Variants in LRBA observed in about 807,000 individuals in gnomAD.
LRBA encodes lipopolysaccharide-responsive and beige-like anchor protein.
A neutral mutation model predicts 330.0 loss-of-function variants in LRBA; 176 were observed. That is an observed-to-expected ratio of 0.53 (90% CI 0.47 to 0.60). The LOEUF is 0.60. Among genes scored for constraint, LRBA ranks in the 20% least tolerant of loss-of-function variants. The pLI, the probability that LRBA is intolerant of heterozygous loss-of-function variation, is 0.00. For synonymous variants in LRBA, 1,230 were observed against 1,193.0 expected (o/e 1.03, Z -0.64); for missense variants, 3,259 against 3,444.8 (o/e 0.95, Z 1.35).
At chr4:150,681,232 G>A (rs1193754577) in intron 37 of LRBA, among the ~76,000 whole-genome samples, 11 of 152,168 alleles carry the variant, frequency 7.2e-5, no homozygotes, top group Admixed American at 7.2e-4. Flanking sequence ...ATTATGCTAA[G>A]TGAAGAACAA....
intron 44 of LRBA, among the ~76,000 whole-genome samples, chr4:150,457,341 C>T (rs573988981): frequency 8.5e-5 from 13 of 152,048 alleles, no homozygotes; most frequent in Non-Finnish European, 1.9e-4. Context: ...AAAGTACGAA[C>T]AATTTAACTC....
chr4:150,917,152 CAA>C (rs1158155392), intron 5 of LRBA, among the ~76,000 whole-genome samples: 23 of 132,748 alleles, frequency 1.7e-4, no homozygotes, highest in South Asian at 2.7e-4. Flanking sequence ...GACTCCATCT[CAA>C]AAAAAAAAAT....
chr4:150,686,722 C>T (rs553548927), intron 36 of LRBA, among the ~76,000 whole-genome samples: 15 of 152,180 alleles, frequency 9.9e-5, no homozygotes, highest in South Asian at 2.1e-4. Context: ...AGAAAATCAC[C>T]GGTTTCTGAA....
chr4:150,555,027 A>C (rs1048415458), intron 40 of LRBA, among the ~76,000 whole-genome samples: 1 of 152,214 alleles, frequency 6.6e-6, no homozygotes, highest in Non-Finnish European at 1.5e-5. Flanking sequence ...GGGTTAGATA[A>C]CTACTATAAA....
intron 35 of LRBA, among the ~76,000 whole-genome samples, chr4:150,743,056 T>C (rs1026981279): frequency 5.3e-5 from 8 of 152,120 alleles, no homozygotes; most frequent in Non-Finnish European, 1.2e-4. Context: ...CAACCTCCGC[T>C]CCCTGGGTAC....
intron 37 of LRBA, among the ~76,000 whole-genome samples, chr4:150,642,284 C>T (rs916315624): frequency 2.6e-5 from 4 of 151,368 alleles, no homozygotes; most frequent in African/African-American, 7.3e-5. Flanking sequence ...TTCTTATGCA[C>T]AAAAAATAGA....
At position 150,323,025 on chromosome 4, in the gene LRBA, G is replaced by T. The variant is rs1380468; in HGVS notation, c.7453-1657C>A. ...TGTGTGTGTGTGTGTGTGTGTGTGTGGGGATGCATTGATGGTTGATGGGGG... is the reference window on the plus strand; with the variant it reads ...TGTGTGTGTGTGTGTGTGTGTGTGTTGGGATGCATTGATGGTTGATGGGGG... On this transcript the variant is annotated intron_variant, in intron 49 of 56. Transcript: ENST00000651943. 1.8e-3 allele frequency among the ~76,000 whole-genome samples: 259 copies of T among 142,600 alleles called. 14 individuals carry two copies. Among genetic ancestry groups the T allele is most frequent in the South Asian group, 0.011 (52 of 4,562 alleles). The allele number at this position is 142,600 out of a possible 152,430, so 93.6% of individuals were successfully genotyped here.
At chr4:150,779,343 T>G (rs1274976296) in intron 34 of LRBA, among the ~76,000 whole-genome samples, 3 of 152,064 alleles carry the variant, frequency 2.0e-5, no homozygotes, top group Non-Finnish European at 4.4e-5. Context: ...TGCCTCTATT[T>G]TAATTTTTAT....
At chr4:150,629,791 G>A (rs1417300422) in intron 37 of LRBA, among the ~76,000 whole-genome samples, 2 of 152,036 alleles carry the variant, frequency 1.3e-5, no homozygotes, top group Admixed American at 1.3e-4. Flanking sequence ...CCAACATGAT[G>A]AAACTCCATC....
intron 40 of LRBA, among the ~76,000 whole-genome samples, chr4:150,506,447 C>T (rs1458657498): frequency 1.3e-5 from 2 of 152,172 alleles, no homozygotes; most frequent in Admixed American, 6.5e-5. Flanking sequence ...AAATGTAATC[C>T]AGAACATAAA....
chr4:151,006,181 A>C (rs1227421490), intron 2 of LRBA, among the ~76,000 whole-genome samples: 6 of 152,098 alleles, frequency 3.9e-5, no homozygotes, highest in Non-Finnish European at 5.9e-5. Flanking sequence ...GTCTCTACTA[A>C]AAATACAAAA....
At chr4:150,421,159 T>C (rs1484644218) in intron 46 of LRBA, among the ~76,000 whole-genome samples, 2 of 127,192 alleles carry the variant, frequency 1.6e-5, no homozygotes, top group African/African-American at 3.0e-5. Flanking sequence ...ATATTATATA[T>C]AAAGTATATA....
intron 37 of LRBA, among the ~76,000 whole-genome samples, chr4:150,650,220 T>C (rs1779579089): frequency 6.6e-6 from 1 of 152,158 alleles, no homozygotes; most frequent in African/African-American, 2.4e-5. Context: ...CCAAACAGCT[T>C]AAGCTTGAAA....
chr4:150,446,114 A>T (rs1752585713), intron 44 of LRBA, among the ~76,000 whole-genome samples: 1 of 152,138 alleles, frequency 6.6e-6, no homozygotes, highest in Non-Finnish European at 1.5e-5. Context: ...TAAAAAAAAA[A>T]GTGGATCTCA....
At chr4:150,422,720 G>T in intron 46 of LRBA, 1 of 840,946 alleles carries the variant, frequency 1.2e-6, no homozygotes, top group Non-Finnish European at 2.0e-6. Context: ...TGAGCCTCTG[G>T]AACCCACCTG....
chr4:150,360,005 T>C (rs1272232763), intron 47 of LRBA, among the ~76,000 whole-genome samples: 2 of 151,364 alleles, frequency 1.3e-5, no homozygotes, highest in African/African-American at 2.4e-5. Context: ...AAAGAAAATA[T>C]GCTCATGTTC....
At chr4:150,363,922 G>C (rs1739071840) in intron 47 of LRBA, among the ~76,000 whole-genome samples, 1 of 152,210 alleles carries the variant, frequency 6.6e-6, no homozygotes, top group Admixed American at 6.5e-5. Context: ...TTGATACAGT[G>C]CTGGTTTGGC....
intron 40 of LRBA, among the ~76,000 whole-genome samples, chr4:150,544,127 C>CT (rs869254893): frequency 8.3e-4 from 120 of 144,992 alleles, no homozygotes; most frequent in South Asian, 1.1e-3. Context: ...TTCTTCCTTT[C>CT]TTTTTTTTTT....
intron 41 of LRBA, among the ~76,000 whole-genome samples, chr4:150,489,397 ATATTATATATAAGAATATAAAAT>A (rs1758492607): frequency 1.7e-5 from 1 of 57,486 alleles, no homozygotes; most frequent in Non-Finnish European, 3.4e-5. Flanking sequence ...AATATAAAAT[ATATTATATATAAGAATATAAAAT>A]ATATTACATA....
Sources: gnomAD v4.1 joint callset for allele counts (sites outside exome capture counted in the v4.1 genomes callset) on GRCh38, gnomAD v4.1.1 for gene constraint, MANE v1.5 for transcripts, NCBI Gene and HGNC (gene_info 2026-07-23, HGNC 2026-07-21) for gene names.